The following ZSCAN25 variants were observed in gnomAD, a reference collection of about 807,000 sequenced individuals.
ZSCAN25 encodes zinc finger and SCAN domain containing 25, also known as zinc finger and SCAN domain-containing protein 25.
ZSCAN25 carries 27 observed loss-of-function variants against 38.7 expected under a neutral mutation model. That is an observed-to-expected ratio of 0.70 (90% CI 0.51 to 0.96). The LOEUF is 0.96. Among genes scored for constraint, ZSCAN25 ranks in the 40% least tolerant of loss-of-function variants. The pLI, the probability that ZSCAN25 is intolerant of heterozygous loss-of-function variation, is 0.00. For missense variants in ZSCAN25, 637 were observed against 705.9 expected, an observed-to-expected ratio of 0.90 and a Z score of 1.11; for synonymous variants, 273 against 277.7, an observed-to-expected ratio of 0.98 and a Z score of 0.17.
At chr7:99,692,295 G>T in the ZSCAN25 span, among the ~76,000 whole-genome samples, 15 of 152,240 alleles carry the variant, frequency 9.9e-5, no homozygotes, top group East Asian at 2.7e-3. Flanking sequence ...CCTTTGTGGG[G>T]AAGCCGACCT....
the ZSCAN25 span, chr7:99,720,525 A>C: frequency 1.7e-6 from 2 of 1,142,910 alleles, no homozygotes; most frequent in Non-Finnish European, 2.6e-6. Context: ...TAGATGTACA[A>C]TACACAGTAA....
At chr7:99,699,168 C>T in the ZSCAN25 span, among the ~76,000 whole-genome samples, 2 of 152,208 alleles carry the variant, frequency 1.3e-5, no homozygotes, top group Non-Finnish European at 2.9e-5. Context: ...AGGCTGCTAG[C>T]AGATTCCCAT....
At chr7:99,693,723 G>A in the ZSCAN25 span, among the ~76,000 whole-genome samples, 4 of 152,338 alleles carry the variant, frequency 2.6e-5, no homozygotes, top group South Asian at 2.1e-4. Flanking sequence ...ATCGAGGCAC[G>A]GGAGGGTATC....
chr7:99,632,244 G>A lies in ZSCAN25; in HGVS notation c.*2224G>A, dbSNP rs1808058315. 1 of 984,766 alleles carries A rather than the reference G, an allele frequency of 1.0e-6. No individual in the cohort carries two copies. Among genetic ancestry groups the A allele is most frequent in the African/African-American group, 1.7e-5 (1 of 57,212 alleles). The allele number at this position is 984,766 out of a possible 1,614,324, so 61.0% of individuals were successfully genotyped here. On this transcript the variant is annotated 3_prime_UTR_variant, in exon 8 of 8. Coordinates refer to ENST00000394152, the MANE Select transcript of ZSCAN25 (RefSeq NM_145115.3). ...AGTAGGGGGTTTTTCCCATGGGATT[G>A]TGGTAGTCTGATTTTTCATATCTAT...
chr7:99,656,712 G>A, the ZSCAN25 span, among the ~76,000 whole-genome samples: 1 of 152,090 alleles, frequency 6.6e-6, no homozygotes, highest in African/African-American at 2.4e-5. Context: ...ATCTGGTCCT[G>A]GACTTTTTTT....
chr7:99,708,964 T>G, the ZSCAN25 span: 1 of 1,530,498 alleles, frequency 6.5e-7, no homozygotes, highest in East Asian at 2.3e-5. Context: ...GCCCAGACTG[T>G]CCTGTAGAGA....
At chr7:99,704,010 T>TA in the ZSCAN25 span, among the ~76,000 whole-genome samples, 1 of 152,082 alleles carries the variant, frequency 6.6e-6, no homozygotes, top group Non-Finnish European at 1.5e-5. Flanking sequence ...GCTCTAGGGC[T>TA]AAATTATTCA....
chr7:99,662,205 G>A, the ZSCAN25 span, among the ~76,000 whole-genome samples: 238 of 152,296 alleles, frequency 1.6e-3, no homozygotes, highest in African/African-American at 5.4e-3. The surrounding 1 kb of genome is among the most constrained non-coding windows in gnomAD (Gnocchi z 4.3). Context: ...TGAGATGGTT[G>A]CCAAATCTTG....
chr7:99,664,307 A>G, the ZSCAN25 span, among the ~76,000 whole-genome samples: 51 of 152,344 alleles, frequency 3.3e-4, no homozygotes, highest in East Asian at 4.6e-3. Flanking sequence ...AGTGAGATCA[A>G]TGGCACCTTC....
At chr7:99,634,040 T>G (rs1166663746), downstream of ZSCAN25, among the ~76,000 whole-genome samples, 1 of 152,202 alleles carries the variant, frequency 6.6e-6, no homozygotes, top group Non-Finnish European at 1.5e-5. Context: ...TGGGCCTCCT[T>G]TTGTATGACA....
At chr7:99,647,990 ATATT>A in the ZSCAN25 span, 33 of 985,308 alleles carry the variant, frequency 3.3e-5, no homozygotes, top group Non-Finnish European at 3.7e-5. Flanking sequence ...TTGTTGAGAA[ATATT>A]TATTCTCTGA....
the ZSCAN25 span, chr7:99,684,882 A>G: frequency 6.9e-6 from 2 of 291,402 alleles, no homozygotes; most frequent in Non-Finnish European, 1.3e-5. Flanking sequence ...GGGGTGGCTG[A>G]GATTGTCCTG....
the ZSCAN25 span, among the ~76,000 whole-genome samples, chr7:99,679,254 G>T: frequency 2.0e-5 from 3 of 152,148 alleles, no homozygotes; most frequent in African/African-American, 7.2e-5. Flanking sequence ...GCACAGGAAA[G>T]AGGGAAGAGC....
chr7:99,715,747 A>C, the ZSCAN25 span: 6 of 1,613,568 alleles, frequency 3.7e-6, no homozygotes. Context: ...AGGAAATAGT[A>C]GTCCACATAC....
chr7:99,692,089 G>T, the ZSCAN25 span, among the ~76,000 whole-genome samples: 29 of 152,182 alleles, frequency 1.9e-4, no homozygotes, highest in Admixed American at 1.9e-3. Flanking sequence ...AGGCAGGCCT[G>T]GTGGTGACAA....
chr7:99,658,087 G>A, the ZSCAN25 span, among the ~76,000 whole-genome samples: 8 of 152,094 alleles, frequency 5.3e-5, no homozygotes, highest in Non-Finnish European at 1.0e-4. Context: ...TTACATTTAA[G>A]GTTAATATTT....
chr7:99,735,070 G>T, the ZSCAN25 span: 3 of 1,613,904 alleles, frequency 1.9e-6, no homozygotes, highest in African/African-American at 1.3e-5. Context: ...AGGTTTCCAC[G>T]GCCAAGTTTG....
the ZSCAN25 span, among the ~76,000 whole-genome samples, chr7:99,666,390 G>T: frequency 6.6e-6 from 1 of 152,114 alleles, no homozygotes. Flanking sequence ...AGTAAATCCT[G>T]GCTCCTGTGC....
At chr7:99,645,398 A>G in the ZSCAN25 span, among the ~76,000 whole-genome samples, 1 of 152,220 alleles carries the variant, frequency 6.6e-6, no homozygotes, top group Non-Finnish European at 1.5e-5. Context: ...TATCTTTGCT[A>G]TTGTGAGTAG....
Sources: allele counts gnomAD v4.1 joint callset (sites outside exome capture counted in the v4.1 genomes callset), GRCh38; gene constraint gnomAD v4.1.1; non-coding constraint Gnocchi (gnomAD v3.1); transcripts MANE v1.5; gene names NCBI Gene and HGNC (gene_info 2026-07-23, HGNC 2026-07-21).